Variants in ABCC3 observed in about 807,000 individuals in gnomAD.
ABCC3 encodes the protein ATP binding cassette subfamily C member 3.
In ABCC3, 121 loss-of-function variants were observed where a neutral mutation model predicts 165.3. The observed-to-expected ratio is 0.73, with a 90% CI of 0.63 to 0.85. ABCC3 has a LOEUF of 0.85. Ranked by LOEUF, ABCC3 falls within the 40% of genes least tolerant of loss-of-function variation. ABCC3 has a pLI of 0.00. For synonymous variants in ABCC3, 733 were observed against 810.1 expected (o/e 0.90, Z 1.62); for missense variants, 1,869 against 1,964.1 (o/e 0.95, Z 0.92).
chr17:50,649,805 T>C (rs1428146039), intron 1 of ABCC3, among the ~76,000 whole-genome samples: 2 of 152,052 alleles, frequency 1.3e-5, no homozygotes, highest in Non-Finnish European at 2.9e-5. Context: ...TTTAATAGGA[T>C]CACAGGTCAC....
At chr17:50,648,056 G>A (rs1967038281) in intron 1 of ABCC3, among the ~76,000 whole-genome samples, 1 of 151,964 alleles carries the variant, frequency 6.6e-6, no homozygotes, top group South Asian at 2.1e-4. Flanking sequence ...AAAAAAAATT[G>A]TAGTTGGAAG....
chr17:50,637,768 G>A (rs2054192979), intron 1 of ABCC3, among the ~76,000 whole-genome samples: 1 of 152,278 alleles, frequency 6.6e-6, no homozygotes, highest in Non-Finnish European at 1.5e-5. Flanking sequence ...TGGGTGGCAA[G>A]TTCTGACATT....
At chr17:50,659,068 T>G in intron 6 of ABCC3, 169 bp from the exon 7 acceptor site, 2 of 756,770 alleles carry the variant, frequency 2.6e-6, no homozygotes, top group Non-Finnish European at 4.2e-6. Context: ...GCCAGTGACC[T>G]CAAGCCTATT....
intron 26 of ABCC3, among the ~76,000 whole-genome samples, chr17:50,683,232 A>G (rs1967956468): frequency 6.6e-6 from 1 of 151,202 alleles, no homozygotes; most frequent in Non-Finnish European, 1.5e-5. Flanking sequence ...TTAGCCAGGC[A>G]TGGTGGCATG....
intron 18 of ABCC3, 103 bp downstream of exon 18, chr17:50,673,241 G>A: frequency 2.1e-6 from 3 of 1,448,616 alleles, no homozygotes; most frequent in Non-Finnish European, 1.9e-6. Context: ...AGGTGTGGGG[G>A]GCGCAAGAAG....
intron 23 of ABCC3, among the ~76,000 whole-genome samples, chr17:50,677,106 T>A (rs775372687): frequency 3.3e-5 from 5 of 152,196 alleles, no homozygotes; most frequent in Non-Finnish European, 7.3e-5. Context: ...GCTCTTGAAC[T>A]CCTGACCTCA....
intron 5 of ABCC3, 48 bp downstream of exon 5, chr17:50,658,255 C>G: frequency 6.2e-7 from 1 of 1,613,582 alleles, no homozygotes; most frequent in Non-Finnish European, 8.5e-7. Flanking sequence ...GAGTCCTCAG[C>G]CCAACTCTGA....
chr17:50,669,014 A>G (rs2146622114), intron 15 of ABCC3, 95 bp downstream of exon 15: 1 of 1,596,910 alleles, frequency 6.3e-7, no homozygotes, highest in East Asian at 2.2e-5. Flanking sequence ...CCAAGAATGC[A>G]GGAAGAGCTT....
At chr17:50,679,725 T>A in intron 25 of ABCC3, 73 bp from the exon 26 acceptor site, 1 of 1,402,024 alleles carries the variant, frequency 7.1e-7, no homozygotes, top group Admixed American at 1.7e-5. Flanking sequence ...GATCCAGGAG[T>A]CTGAACTCCT....
chr17:50,650,665 G>C (rs1197795218), intron 1 of ABCC3, among the ~76,000 whole-genome samples: 1 of 151,970 alleles, frequency 6.6e-6, no homozygotes, highest in African/African-American at 2.4e-5. Flanking sequence ...AGCTTCCTTT[G>C]TATATTTCTT....
chr17:50,646,987 A>T (rs61497295), intron 1 of ABCC3, among the ~76,000 whole-genome samples: 68,278 of 151,964 alleles, frequency 0.45, 15,951 homozygotes, highest in Non-Finnish European at 0.52. Flanking sequence ...CAAACAGTTC[A>T]CCTGCCTCAG....
chr17:50,673,232 G>A, intron 18 of ABCC3, 94 bp downstream of exon 18: 1 of 1,497,432 alleles, frequency 6.7e-7, no homozygotes, highest in Non-Finnish European at 9.0e-7. Context: ...GAGACTTGGA[G>A]GTGTGGGGGG....
At chr17:50,678,641 G>A (rs1967874936) in intron 25 of ABCC3, among the ~76,000 whole-genome samples, 1 of 152,182 alleles carries the variant, frequency 6.6e-6, no homozygotes, top group South Asian at 2.1e-4. Flanking sequence ...CCAGAAGAGG[G>A]ACTGGGTGCA....
chr17:50,668,224 T>C (rs538093161), intron 13 of ABCC3, among the ~76,000 whole-genome samples: 1 of 152,122 alleles, frequency 6.6e-6, no homozygotes, highest in Non-Finnish European at 1.5e-5. Flanking sequence ...GAAACCTGAG[T>C]TCTGTAGATA....
chr17:50,663,050 A>C (rs1010754781), intron 8 of ABCC3: 3 of 150,716 alleles, frequency 2.0e-5, no homozygotes, highest in African/African-American at 7.3e-5. Context: ...AAAGGAGGAC[A>C]AGCCACTGGA....
rs371556892 is a variant in ABCC3 at position 50,683,761 on chromosome 17, G to A, written c.3954+5G>A. The A allele has an allele frequency of 1.2e-5, 19 of 1,602,990 alleles. No homozygotes were observed. The highest frequency in any genetic ancestry group is 3.3e-5 in the South Asian group (3 of 89,822). Reference sequence around the variant, plus strand: ...CATGTGCACGGTGGCGAGAAGGTACGCGTGGGGTAGGCGGGCCTGCGTGTG... The same window carrying A: ...CATGTGCACGGTGGCGAGAAGGTACACGTGGGGTAGGCGGGCCTGCGTGTG... On this transcript the variant is annotated splice_donor_5th_base_variant and intron_variant, in intron 27 of 30. Transcript: ENST00000285238.
chr17:50,670,730 G>A (rs1275298335), intron 17 of ABCC3, among the ~76,000 whole-genome samples: 1 of 152,186 alleles, frequency 6.6e-6, no homozygotes, highest in East Asian at 1.9e-4. Flanking sequence ...CAAAGAGACC[G>A]AGTGAGCCTT....
Position 50,678,118 on chromosome 17 carries a change from G to C in ABCC3, c.3604G>C (p.Val1202Leu). 6.3e-7 allele frequency: 1 copy of C among 1,592,814 alleles called. No individual in the cohort carries two copies. Among genetic ancestry groups the C allele is most frequent in the Non-Finnish European group, 8.6e-7 (1 of 1,168,522 alleles). Residue 1202 changes from valine (V) to leucine (L), a missense_variant, in exon 25 of 31, where the codon GTG (valine) becomes CTG (leucine). Physicochemically the swap from Val to Leu is conservative, Grantham distance 32. Transcript: ENST00000285238. ...NRWLSIGVEF[V>L]GNCVVLFAAL... ...GTGGCTGAGCATCGGAGTGGAGTTC[G>C]TGGGGAACTGCGTGGTGCTCTTTGC...
chr17:50,665,137 A>G lies in ABCC3; in HGVS notation c.1339-16A>G. On this transcript the variant is annotated splice_polypyrimidine_tract_variant and intron_variant, in intron 10 of 30. Coordinates refer to ENST00000285238, the MANE Select transcript of ABCC3 (RefSeq NM_003786.4). Reference sequence around the variant, plus strand: ...ATCTGTCCCTATGTGTCATCTATCCACCGGTGCCTCCTCAGAACCTAGGTC... The same window carrying G: ...ATCTGTCCCTATGTGTCATCTATCCGCCGGTGCCTCCTCAGAACCTAGGTC... The G allele has an allele frequency of 9.3e-6, 15 of 1,612,546 alleles. No homozygotes were observed. The highest frequency in any genetic ancestry group is 1.3e-5 in the Non-Finnish European group (15 of 1,178,664).
Sources: gnomAD v4.1 joint callset for allele counts (sites outside exome capture counted in the v4.1 genomes callset) on GRCh38, gnomAD v4.1.1 for gene constraint, MANE v1.5 for transcripts, NCBI Gene and HGNC (gene_info 2026-07-23, HGNC 2026-07-21) for gene names.